The following FBXL3 variants were observed in gnomAD, a reference collection of about 807,000 sequenced individuals.
The protein encoded by FBXL3 is F-box and leucine rich repeat protein 3, also known as F-box/LRR-repeat protein 3.
FBXL3 carries 14 observed loss-of-function variants against 37.9 expected under a neutral mutation model. The ratio of observed to expected loss-of-function variants is 0.37; its 90% CI spans 0.24 to 0.58. The LOEUF (loss-of-function observed/expected upper bound fraction) is 0.58. Among genes scored for constraint, FBXL3 ranks in the 20% least tolerant of loss-of-function variants. FBXL3 has a pLI of 0.74. For missense variants in FBXL3, 327 were observed against 511.1 expected (o/e 0.64, Z 3.47); for synonymous variants, 194 against 180.1 (o/e 1.08, Z -0.62).
intron 2 of FBXL3, 71 bp downstream of exon 2, chr13:77,021,442 A>C: frequency 8.7e-7 from 1 of 1,151,602 alleles, no homozygotes; most frequent in Non-Finnish European, 1.2e-6. Context: ...AGGCATGAGA[A>C]GATGTACTGG....
chr13:77,026,623 G>T (rs1050363810), intron 1 of FBXL3: 2 of 152,104 alleles, frequency 1.3e-5, no homozygotes, highest in African/African-American at 4.8e-5. Flanking sequence ...AGCAGGCACG[G>T]CGGGGAAACG....
At chr13:77,012,320 A>C (rs1360464743) in intron 4 of FBXL3, among the ~76,000 whole-genome samples, 1 of 152,312 alleles carries the variant, frequency 6.6e-6, no homozygotes, top group East Asian at 1.9e-4. Flanking sequence ...TTTGGAAAAA[A>C]AAAATATGGC....
At chr13:77,018,807 A>C in intron 2 of FBXL3, 85 bp from the exon 3 acceptor site, 5 of 1,109,272 alleles carry the variant, frequency 4.5e-6, no homozygotes, top group East Asian at 2.7e-5. Context: ...AAGATTACTC[A>C]TGTATATATT....
In FBXL3 at chr13:77,015,543, T is replaced by C; in HGVS notation, c.509A>G (p.Asn170Ser). 1.9e-6 allele frequency: 3 copies of C among 1,597,254 alleles called. No individual in the cohort carries two copies. Among genetic ancestry groups the C allele is most frequent in the Non-Finnish European group, 2.6e-6 (3 of 1,172,346 alleles). ...CTTAAGCGAAGACAGGGATTTGGAG[T>C]TTACGAACACAACTGTCAGTGCAGA... ...FISALTVVFV[N>S]SKSLSSLKID... The change falls in exon 4 of 5, where the codon AAC becomes AGC. Residue 170 changes from asparagine to serine, a missense_variant. Asn to Ser is a conservative substitution (Grantham distance 46). Coordinates refer to ENST00000355619, the MANE Select transcript of FBXL3 (RefSeq NM_012158.4).
chr13:77,020,219 A>G (rs1436257741), intron 2 of FBXL3, among the ~76,000 whole-genome samples: 1 of 152,220 alleles, frequency 6.6e-6, no homozygotes, highest in East Asian at 1.9e-4. Flanking sequence ...ATTTTTTAGC[A>G]TTAAAGATGT....
At chr13:77,015,619 T>G (rs2034630092) in intron 3 of FBXL3, 39 bp from the exon 4 acceptor site, 2 of 1,362,536 alleles carry the variant, frequency 1.5e-6, no homozygotes, top group African/African-American at 1.5e-5. Flanking sequence ...TTATTTCAAT[T>G]TTTAGAAATG....
At chr13:77,010,836 G>A (rs2034537950) in intron 4 of FBXL3, 1 of 152,246 alleles carries the variant, frequency 6.6e-6, no homozygotes, top group Non-Finnish European at 1.5e-5. Flanking sequence ...AAGCAGAGAA[G>A]CCACTTGAGC....
At chr13:77,013,464 A>G (rs2034590129) in intron 4 of FBXL3, 1 of 152,200 alleles carries the variant, frequency 6.6e-6, no homozygotes, top group East Asian at 1.9e-4. Context: ...TGATTATTGT[A>G]AAACCTAAGA....
intron 2 of FBXL3, among the ~76,000 whole-genome samples, chr13:77,019,968 G>T (rs1223426198): frequency 6.6e-6 from 1 of 151,458 alleles, no homozygotes. Flanking sequence ...GGTGGAACTG[G>T]ACTTTAAGAC....
Position 77,007,057 on chromosome 13 carries a change from A to G in FBXL3, c.*88T>C. 1.3e-6 allele frequency: 2 copies of G among 1,483,176 alleles called. No homozygotes were observed. Among genetic ancestry groups the G allele is most frequent in the Non-Finnish European group, 1.8e-6 (2 of 1,124,678 alleles). The allele number at this position is 1,483,176 out of a possible 1,614,324, so 91.9% of individuals were successfully genotyped here. On this transcript the variant is annotated 3_prime_UTR_variant, in exon 5 of 5. Coordinates refer to ENST00000355619, the MANE Select transcript of FBXL3 (RefSeq NM_012158.4). Reference sequence around the variant, plus strand: ...AGATATCAAATTTCTGTGCCACAAAATAGTAGAATTATATCAGAACTACAG... The same window carrying G: ...AGATATCAAATTTCTGTGCCACAAAGTAGTAGAATTATATCAGAACTACAG...
Position 77,007,035 on chromosome 13 carries a change from T to C in FBXL3, c.*110A>G. ...AATCTTTACATATACTGACTGAAGA[T>C]ATCAAATTTCTGTGCCACAAAATAG... is the stretch of plus-strand genomic sequence containing the variant. On this transcript the variant is annotated 3_prime_UTR_variant, in exon 5 of 5. Coordinates refer to ENST00000355619, the MANE Select transcript of FBXL3 (RefSeq NM_012158.4). 1 of 1,456,836 alleles carries C rather than the reference T, an allele frequency of 6.9e-7. No homozygotes were observed. The highest frequency in any genetic ancestry group is 2.0e-4 in the Middle Eastern group (1 of 4,934). 90.2% of individuals were successfully genotyped at this position (1,456,836 alleles called of 1,614,324 possible). A position where few individuals can be genotyped will look rare whatever the true frequency, so the allele number is the denominator to read the frequency against.
In FBXL3 at chr13:77,018,695, C is replaced by T. The variant is rs772764851; in HGVS notation, c.376G>A (p.Ala126Thr). ...KVDSSKESAE[A>T]ACDILSQLVN... The stretch of plus-strand genomic sequence containing the variant: ...AGTTGCGATAGTATATCACAAGCTG[C>T]TTCAGCTGATTCCTTGCTGCTGTCC... The change falls in exon 3 of 5, where the codon GCA becomes ACA. Residue 126 changes from alanine to threonine, a missense_variant. Physicochemically the swap from Ala to Thr is moderately conservative, Grantham distance 58 (BLOSUM62 0). Coordinates refer to ENST00000355619, the MANE Select transcript of FBXL3 (RefSeq NM_012158.4). The T allele has an allele frequency of 6.3e-7, 1 of 1,589,572 alleles. No individual in the cohort carries two copies. Among genetic ancestry groups the T allele is most frequent in the South Asian group, 1.2e-5 (1 of 85,822 alleles).
At chr13:77,023,555 C>A (rs77354228) in intron 1 of FBXL3, among the ~76,000 whole-genome samples, 2,269 of 152,170 alleles carry the variant, frequency 0.015, 31 homozygotes, top group East Asian at 0.054. Context: ...ACCGTGTAAT[C>A]GGACTTTTTG....
rs1331241474 is a variant in FBXL3, at chr13:77,006,339, G to C, written c.*806C>G. Reference sequence around the variant, plus strand: ...ATTATTGTTTAATACTTTAAAGCTAGTTTAAACAAAGATAAAACCAAGGAG... The same window carrying C: ...ATTATTGTTTAATACTTTAAAGCTACTTTAAACAAAGATAAAACCAAGGAG... On this transcript the variant is annotated 3_prime_UTR_variant, in exon 5 of 5. Coordinates refer to ENST00000355619, the MANE Select transcript of FBXL3 (RefSeq NM_012158.4). The C allele has an allele frequency of 1.3e-5, 2 of 152,082 alleles. No individual in the cohort carries two copies. The highest frequency in any genetic ancestry group is 4.8e-5 in the African/African-American group (2 of 41,440). 9.4% of individuals were successfully genotyped at this position (152,082 alleles called of 1,614,324 possible). A position where few individuals can be genotyped will look rare whatever the true frequency, so the allele number is the denominator to read the frequency against.
chr13:77,024,456 C>T (rs1348075619), intron 1 of FBXL3, among the ~76,000 whole-genome samples: 4 of 152,146 alleles, frequency 2.6e-5, no homozygotes. Flanking sequence ...GGAGAACAAT[C>T]TTCTAAAACC....
intron 2 of FBXL3, among the ~76,000 whole-genome samples, chr13:77,019,418 A>G (rs1200931614): frequency 6.6e-6 from 1 of 152,214 alleles, no homozygotes; most frequent in Non-Finnish European, 1.5e-5. Flanking sequence ...AAGCACCTTA[A>G]AACAGTTAAA....
chr13:77,025,157 T>C (rs1199431229), intron 1 of FBXL3, among the ~76,000 whole-genome samples: 1 of 152,150 alleles, frequency 6.6e-6, no homozygotes, highest in Admixed American at 6.5e-5. Context: ...ACCTCCTATA[T>C]TTGAAAAGAA....
intron 3 of FBXL3, chr13:77,017,876 G>C (rs1404495985): frequency 6.6e-6 from 1 of 151,258 alleles, no homozygotes; most frequent in Non-Finnish European, 1.5e-5. Context: ...TACTTAAAAG[G>C]GTGTCTATAT....
At chr13:77,023,395 C>T (rs865873618) in intron 1 of FBXL3, among the ~76,000 whole-genome samples, 2 of 151,782 alleles carry the variant, frequency 1.3e-5, no homozygotes, top group African/African-American at 4.8e-5. Flanking sequence ...GGCAAGTGAG[C>T]TTGTGTACGA....
Sources: gnomAD v4.1 joint callset for allele counts (sites outside exome capture counted in the v4.1 genomes callset) on GRCh38, gnomAD v4.1.1 for gene constraint, MANE v1.5 for transcripts, NCBI Gene and HGNC (gene_info 2026-07-23, HGNC 2026-07-21) for gene names.